Variants in CHL1 observed in about 807,000 individuals in gnomAD.
CHL1 encodes neural cell adhesion molecule L1-like protein.
CHL1 carries 96 observed loss-of-function variants against 141.9 expected under a neutral mutation model. The ratio of observed to expected loss-of-function variants is 0.68; its 90% CI spans 0.57 to 0.80. The LOEUF is 0.80. Ranked by LOEUF, CHL1 falls within the 30% of genes least tolerant of loss-of-function variation. The pLI is 0.00. For missense variants in CHL1, 1,820 were observed against 1,457.2 expected, an observed-to-expected ratio of 1.25 and a Z score of -4.05; for synonymous variants, 613 against 502.2, an observed-to-expected ratio of 1.22 and a Z score of -2.95.
chr3:389,625 C>G (rs1708060906), intron 20 of CHL1, 151 bp downstream of exon 20: 2 of 638,758 alleles, frequency 3.1e-6, no homozygotes, highest in African/African-American at 1.8e-5. Context: ...CACATGACTT[C>G]TATCTTAGGA....
intron 1 of CHL1, among the ~76,000 whole-genome samples, chr3:200,024 T>A (rs1350476623): frequency 6.6e-6 from 1 of 152,200 alleles, no homozygotes; most frequent in Non-Finnish European, 1.5e-5. Flanking sequence ...TCATCCTCAC[T>A]GTGAATATGT....
intron 2 of CHL1, among the ~76,000 whole-genome samples, chr3:290,230 A>T (rs1316324302): frequency 6.6e-6 from 1 of 152,194 alleles, no homozygotes; most frequent in African/African-American, 2.4e-5. Context: ...TTATAGTAAG[A>T]GAACTGAAAC....
intron 11 of CHL1, among the ~76,000 whole-genome samples, chr3:356,444 G>T (rs377045783): frequency 5.3e-5 from 8 of 152,228 alleles, no homozygotes; most frequent in East Asian, 1.9e-4. Context: ...CCCGGCACTG[G>T]ACTTCATGCT....
intron 2 of CHL1, among the ~76,000 whole-genome samples, chr3:290,778 CTATT>C (rs564404453): frequency 6.6e-6 from 1 of 151,822 alleles, no homozygotes; most frequent in East Asian, 1.9e-4. Context: ...AAAAAGTTGT[CTATT>C]TTAATTAGCC....
chr3:226,569 C>T (rs1024952043), intron 1 of CHL1, among the ~76,000 whole-genome samples: 2 of 151,722 alleles, frequency 1.3e-5, no homozygotes, highest in African/African-American at 2.4e-5. Flanking sequence ...CCTGCTTCAG[C>T]CTCCCGAGTG....
chr3:254,330 C>A (rs533846492), intron 2 of CHL1, among the ~76,000 whole-genome samples: 3 of 152,308 alleles, frequency 2.0e-5, no homozygotes, highest in East Asian at 3.9e-4. Context: ...CCCAGGGAAA[C>A]CAACCTGCTA....
chr3:203,778 C>T (rs1000725698), intron 1 of CHL1, among the ~76,000 whole-genome samples: 2 of 152,168 alleles, frequency 1.3e-5, no homozygotes, highest in African/African-American at 2.4e-5. Context: ...GCTTCTTCAG[C>T]AAGGCAGTAA....
intron 5 of CHL1, among the ~76,000 whole-genome samples, chr3:332,128 T>C (rs1701489777): frequency 6.6e-6 from 1 of 152,182 alleles, no homozygotes; most frequent in African/African-American, 2.4e-5. Context: ...TGTGGTCACA[T>C]TGTTTATATT....
chr3:345,607 C>G (rs1161043894), intron 9 of CHL1, among the ~76,000 whole-genome samples: 1 of 152,120 alleles, frequency 6.6e-6, no homozygotes, highest in Non-Finnish European at 1.5e-5. Context: ...CCTCAGCCTC[C>G]TGAGTAGCTG....
intron 5 of CHL1, among the ~76,000 whole-genome samples, chr3:336,850 G>T (rs1701905468): frequency 6.6e-6 from 1 of 152,200 alleles, no homozygotes; most frequent in Admixed American, 6.5e-5. Context: ...TGTATCTGCA[G>T]GTTGGTTGTG....
At chr3:206,007 T>C (rs1222359202) in intron 1 of CHL1, among the ~76,000 whole-genome samples, 2 of 152,168 alleles carry the variant, frequency 1.3e-5, no homozygotes, top group Non-Finnish European at 2.9e-5. Context: ...AGCAGGATTC[T>C]CCAGCTATGG....
chr3:337,523 C>A (rs544221844), intron 5 of CHL1, among the ~76,000 whole-genome samples: 52 of 151,382 alleles, frequency 3.4e-4, no homozygotes, highest in African/African-American at 8.0e-4. Context: ...CCTCTCCCCC[C>A]ACCCCACAAC....
intron 1 of CHL1, among the ~76,000 whole-genome samples, chr3:214,658 G>C (rs1469346967): frequency 6.6e-6 from 1 of 152,156 alleles, no homozygotes; most frequent in African/African-American, 2.4e-5. Context: ...TTAATTAGTA[G>C]TAGATGTCCT....
intron 26 of CHL1, among the ~76,000 whole-genome samples, chr3:400,583 G>C (rs1025649350): frequency 3.3e-5 from 2 of 60,470 alleles, no homozygotes; most frequent in Admixed American, 2.9e-4. Flanking sequence ...TTGTATTTGA[G>C]GGCTTTTTTT....
chr3:394,662 T>C (rs2106400006), intron 23 of CHL1, 31 bp from the exon 24 acceptor site: 3 of 1,498,218 alleles, frequency 2.0e-6, no homozygotes, highest in African/African-American at 2.8e-5. Context: ...GTTAAATACA[T>C]TTGAGCTGTT....
At chr3:339,438 T>G (rs1702191861) in intron 5 of CHL1, among the ~76,000 whole-genome samples, 1 of 152,172 alleles carries the variant, frequency 6.6e-6, no homozygotes, top group Admixed American at 6.5e-5. Flanking sequence ...TCAAAGATGG[T>G]TGCTATTTCA....
intron 2 of CHL1, among the ~76,000 whole-genome samples, chr3:294,287 C>G (rs1338983286): frequency 6.6e-6 from 1 of 152,046 alleles, no homozygotes; most frequent in African/African-American, 2.4e-5. Flanking sequence ...CCACTGCTCT[C>G]CAGTCTGGGT....
chr3:393,575 T>A (rs566853975), intron 23 of CHL1, among the ~76,000 whole-genome samples: 2 of 152,152 alleles, frequency 1.3e-5, no homozygotes, highest in South Asian at 4.1e-4. Flanking sequence ...TAAAATAATA[T>A]ATAATTATTT....
At chr3:251,622 T>C (rs972508128) in intron 2 of CHL1, among the ~76,000 whole-genome samples, 3 of 152,154 alleles carry the variant, frequency 2.0e-5, no homozygotes, top group Non-Finnish European at 4.4e-5. Context: ...TACATTTCCA[T>C]GATTTTGCAA....
Sources: gnomAD v4.1 joint callset for allele counts (sites outside exome capture counted in the v4.1 genomes callset) on GRCh38, gnomAD v4.1.1 for gene constraint, MANE v1.5 for transcripts, NCBI Gene and HGNC (gene_info 2026-07-23, HGNC 2026-07-21) for gene names.